SVBP: variants seen among roughly 807,000 people sequenced by gnomAD.
SVBP encodes small vasohibin binding protein.
Under a neutral mutation model 9.2 loss-of-function variants are expected in SVBP, and 9 were observed. The observed-to-expected ratio is 0.98, with a 90% confidence interval of 0.59 to 1.71. The LOEUF is 1.71. Among genes scored for constraint, SVBP ranks in the 40% most tolerant of loss-of-function variants. SVBP has a pLI of 0.00. For missense variants in SVBP, 63 were observed against 73.2 expected, an observed-to-expected ratio of 0.86 and a Z score of 0.51; for synonymous variants, 27 against 23.9, an observed-to-expected ratio of 1.13 and a Z score of -0.37.
Position 42,807,144 on chromosome 1 carries a change from T to TG in SVBP, c.*269_*270insC. 2 of 272,054 alleles carry TG rather than the reference T, an allele frequency of 7.4e-6. No homozygotes were observed. The highest frequency in any genetic ancestry group is 1.3e-5 in the Non-Finnish European group (2 of 154,496). 16.9% of individuals were successfully genotyped at this position (272,054 alleles called of 1,614,324 possible). A position where few individuals can be genotyped will look rare whatever the true frequency, so the allele number is the denominator to read the frequency against. ...TTCTCAAACAATAGAAAAAGTGTTTTTTGTGTGTGTTTTTTTTTTTTTTTT... is the reference window on the plus strand; with the variant it reads ...TTCTCAAACAATAGAAAAAGTGTTTTGTTGTGTGTGTTTTTTTTTTTTTTTT... On this transcript the variant is annotated 3_prime_UTR_variant, in exon 3 of 3. Transcript: ENST00000372521.
Position 42,816,497 on chromosome 1 carries a change from G to A in SVBP, c.48C>T (p.Val16=). ...TCTGTTTGGCCTTCTCAACTCTGCTGACAGATTCTTTAACTTTGGTTTTTT... is the reference window on the plus strand; with the variant it reads ...TCTGTTTGGCCTTCTCAACTCTGCTAACAGATTCTTTAACTTTGGTTTTTT... ...RKEKTKVKES[V]SRVEKAKQKS... Residue 16 remains valine (V), a synonymous_variant, in exon 2 of 3, where the codon GTC becomes GTT. Transcript: ENST00000372521. 2 of 1,614,138 alleles carry A rather than the reference G, an allele frequency of 1.2e-6. No individual in the cohort carries two copies.
Position 42,817,345 on chromosome 1 carries a change from C to G in SVBP, c.-192G>C. The stretch of plus-strand genomic sequence containing the variant: ...GGGCCGCGCGCCGGGGGGAGGGGCG[C>G]AGGGCCGAGCGCCAGGAGGCTTCCG... On this transcript the variant is annotated 5_prime_UTR_variant, in exon 1 of 3. Transcript: ENST00000372521. 2 of 860,002 alleles carry G rather than the reference C, an allele frequency of 2.3e-6. No homozygotes were observed. Among genetic ancestry groups the G allele is most frequent in the Non-Finnish European group, 2.9e-6 (2 of 678,006 alleles). 53.3% of individuals were successfully genotyped at this position (860,002 alleles called of 1,614,324 possible).
In SVBP at chr1:42,817,326, C is replaced by G; in HGVS notation, c.-173G>C. 1 of 1,089,006 alleles carries G rather than the reference C, an allele frequency of 9.2e-7. No homozygotes were observed. The highest frequency in any genetic ancestry group is 1.5e-5 in the South Asian group (1 of 65,892). The allele number at this position is 1,089,006 out of a possible 1,614,324, so 67.5% of individuals were successfully genotyped here. Reference sequence around the variant, plus strand: ...CCGCCCCTCGTCCTGGGCGGGGCCGCGCGCCGGGGGGAGGGGCGCAGGGCC... The same window carrying G: ...CCGCCCCTCGTCCTGGGCGGGGCCGGGCGCCGGGGGGAGGGGCGCAGGGCC... On this transcript the variant is annotated 5_prime_UTR_variant, in exon 1 of 3. Transcript: ENST00000372521.
chr1:42,816,995 G>A (rs895756075), intron 1 of SVBP, 195 bp downstream of exon 1: 3 of 250,826 alleles, frequency 1.2e-5, no homozygotes, highest in Admixed American at 6.5e-5. Flanking sequence ...GCCTAACTCC[G>A]CCGCAGCAGC....
At chr1:42,814,081 GTTCT>G (rs1420821439) in intron 2 of SVBP, among the ~76,000 whole-genome samples, 19 of 150,856 alleles carry the variant, frequency 1.3e-4, no homozygotes, top group African/African-American at 4.6e-4. Flanking sequence ...CATACTAGCA[GTTCT>G]TTTTCTTTTT....
Position 42,817,079 on chromosome 1 carries a change from C to CCCCGGCCCG in SVBP, c.-37+102_-37+110dup, listed in dbSNP as rs1250286635. 3 of 645,416 alleles carry CCCCGGCCCG rather than the reference C, an allele frequency of 4.6e-6. No individual in the cohort carries two copies. In the Admixed American group the frequency reaches 1.6e-4, roughly 35 times the overall value. 40.0% of individuals were successfully genotyped at this position (645,416 alleles called of 1,614,324 possible). A position where few individuals can be genotyped will look rare whatever the true frequency, so the allele number is the denominator to read the frequency against. On this transcript the variant is annotated intron_variant, in intron 1 of 2. Transcript: ENST00000372521. ...CCCACCGCCCGGCCCCCCGACCCCGCCCCGGCCCGCCCGGCCCCAGGGGAC... is the reference window on the plus strand; with the variant it reads ...CCCACCGCCCGGCCCCCCGACCCCGCCCCGGCCCGCCCGGCCCGCCCGGCCCCAGGGGAC...
At chr1:42,811,528 T>A (rs193263566) in intron 2 of SVBP, among the ~76,000 whole-genome samples, 45 of 152,312 alleles carry the variant, frequency 3.0e-4, no homozygotes, top group African/African-American at 9.4e-4. Flanking sequence ...TCAGCAGTTG[T>A]TCAATTTAGG....
Position 42,807,675 on chromosome 1 carries a change from C to A in SVBP, c.115-175G>T, listed in dbSNP as rs112627480. Among the ~76,000 whole-genome samples, 9 of 152,206 alleles carry A rather than the reference C, an allele frequency of 5.9e-5. 1 individual carries two copies. The highest frequency in any genetic ancestry group is 2.2e-4 in the African/African-American group (9 of 41,546). ...ATTAGTTCCATCTGGAGAATCAAGA[C>A]AGCAGCAGTGATGCAGGTGGCTTGA... On this transcript the variant is annotated intron_variant, in intron 2 of 2. Coordinates refer to ENST00000372521, the MANE Select transcript of SVBP (RefSeq NM_199342.4).
At chr1:42,816,339 G>A in intron 2 of SVBP, 92 bp downstream of exon 2, 1 of 919,582 alleles carries the variant, frequency 1.1e-6, no homozygotes. Context: ...AGGCAAGTAT[G>A]GCTCGCTGTC....
intron 2 of SVBP, among the ~76,000 whole-genome samples, chr1:42,810,117 T>TACAC (rs1260764884): frequency 8.9e-6 from 1 of 112,644 alleles, no homozygotes; most frequent in African/African-American, 4.0e-5. Context: ...CACACACACA[T>TACAC]ACATACATAC....
intron 2 of SVBP, among the ~76,000 whole-genome samples, chr1:42,812,569 C>T (rs1285414206): frequency 6.6e-6 from 1 of 152,170 alleles, no homozygotes; most frequent in Non-Finnish European, 1.5e-5. Flanking sequence ...GTAACATCCT[C>T]CCCTGGTAAC....
At chr1:42,811,659 T>C (rs1654087457) in intron 2 of SVBP, among the ~76,000 whole-genome samples, 1 of 152,232 alleles carries the variant, frequency 6.6e-6, no homozygotes, top group African/African-American at 2.4e-5. Flanking sequence ...ACACGTGGTA[T>C]TTCTATTCCT....
chr1:42,807,171 A>ATTTTT lies in SVBP; in HGVS notation c.*242_*243insAAAAA, dbSNP rs753684731. The ATTTTT allele has an allele frequency of 1.1e-3, 256 of 226,198 alleles. 2 individuals are homozygous for ATTTTT. The highest frequency in any genetic ancestry group is 5.4e-3 in the South Asian group (28 of 5,214). The allele number at this position is 226,198 out of a possible 1,614,324, so 14.0% of individuals were successfully genotyped here. ...TGTGTGTGTTTTTTTTTTTTTTTTAAAAAAACCCAAAAAACAAAACCACTG... is the reference window on the plus strand; with the variant it reads ...TGTGTGTGTTTTTTTTTTTTTTTTAATTTTTAAAAACCCAAAAAACAAAACCACTG... On this transcript the variant is annotated 3_prime_UTR_variant, in exon 3 of 3. Coordinates refer to ENST00000372521, the MANE Select transcript of SVBP (RefSeq NM_199342.4).
chr1:42,817,200 C>A lies in SVBP; in HGVS notation c.-47G>T. The A allele has an allele frequency of 8.0e-7, 1 of 1,255,174 alleles. No individual in the cohort carries two copies. Among genetic ancestry groups the A allele is most frequent in the South Asian group, 1.3e-5 (1 of 77,198 alleles). 77.8% of individuals were successfully genotyped at this position (1,255,174 alleles called of 1,614,324 possible). Reference sequence around the variant, plus strand: ...CTTGGGAGTCTGTACCTTTCCCGACCGGGCCACTGGAAGTTGGAGCCTCCG... The same window carrying A: ...CTTGGGAGTCTGTACCTTTCCCGACAGGGCCACTGGAAGTTGGAGCCTCCG... On this transcript the variant is annotated 5_prime_UTR_variant, in exon 1 of 3. Coordinates refer to ENST00000372521, the MANE Select transcript of SVBP (RefSeq NM_199342.4).
In SVBP at chr1:42,807,431, G is replaced by T; in HGVS notation, c.184C>A (p.Gln62Lys). ...CTGGGGCCTCATTCTCCAGGAGGCT[G>T]CATCTGTTTACAGAACTCATCAAAC... Reference protein sequence around the residue: ...QQFDEFCKQMQPPGE With the variant: ...QQFDEFCKQMKPPGE The change falls in exon 3 of 3, where the codon CAG becomes AAG. Residue 62 changes from glutamine (Q) to lysine (K), a missense_variant. Gln to Lys is a moderately conservative substitution (Grantham distance 53). Transcript: ENST00000372521. 1 of 1,613,436 alleles carries T rather than the reference G, an allele frequency of 6.2e-7. No individual in the cohort carries two copies. The highest frequency in any genetic ancestry group is 1.1e-5 in the South Asian group (1 of 91,022).
At position 42,815,654 on chromosome 1, in the gene SVBP, CTAAAT is replaced by C. The variant is rs145301483; in HGVS notation, c.114+772_114+776del. On this transcript the variant is annotated intron_variant, in intron 2 of 2. Transcript: ENST00000372521. ...TATTATAAAAATTAATGAGAATAAA[CTAAAT>C]TCTTATATTGGCATGAATAGTTCTA... 7.4e-3 allele frequency among the ~76,000 whole-genome samples: 1,119 copies of C among 152,012 alleles called. 14 individuals are homozygous for C. The highest frequency in any genetic ancestry group is 0.024 in the African/African-American group (979 of 41,496).
rs956841475 is a variant in SVBP at position 42,807,103 on chromosome 1, T to C, written c.*311A>G. ...TTTTTGGAGAAGATATAGAGTTTCA[T>C]GAGAAACACTGATTTTTCTCAAACA... is the stretch of plus-strand genomic sequence containing the variant. On this transcript the variant is annotated 3_prime_UTR_variant, in exon 3 of 3. Transcript: ENST00000372521. 4.6e-6 allele frequency: 1 copy of C among 215,540 alleles called. No individual in the cohort carries two copies. Among genetic ancestry groups the C allele is most frequent in the Non-Finnish European group, 9.1e-6 (1 of 110,278 alleles). 13.4% of individuals were successfully genotyped at this position (215,540 alleles called of 1,614,324 possible). A position where few individuals can be genotyped will look rare whatever the true frequency, so the allele number is the denominator to read the frequency against.
intron 2 of SVBP, among the ~76,000 whole-genome samples, chr1:42,809,938 G>A (rs1358937029): frequency 6.6e-6 from 1 of 152,098 alleles, no homozygotes; most frequent in Non-Finnish European, 1.5e-5. Flanking sequence ...CAGCAAGAAT[G>A]ATTAGCATAA....
At position 42,812,458 on chromosome 1, in the gene SVBP, T is replaced by G. The variant is rs140605560; in HGVS notation, c.114+3973A>C. 7.6e-4 allele frequency among the ~76,000 whole-genome samples: 116 copies of G among 152,258 alleles called. 1 individual carries two copies. The highest frequency in any genetic ancestry group is 2.8e-3 in the African/African-American group (115 of 41,548). On this transcript the variant is annotated intron_variant, in intron 2 of 2. Transcript: ENST00000372521. The stretch of plus-strand genomic sequence containing the variant: ...TTTAATGAAATATTAAATCTTTATT[T>G]CCCCCTAACATAATTTGTGATCAAG...
Sources: gnomAD v4.1 joint callset for allele counts (sites outside exome capture counted in the v4.1 genomes callset) on GRCh38, gnomAD v4.1.1 for gene constraint, MANE v1.5 for transcripts, NCBI Gene and HGNC (gene_info 2026-07-23, HGNC 2026-07-21) for gene names.